The following HTR1F variants were observed in gnomAD, a reference collection of about 807,000 sequenced individuals.
HTR1F encodes 5-hydroxytryptamine (serotonin) receptor 1F, G protein-coupled.
A neutral mutation model predicts 24.0 loss-of-function variants in HTR1F; 17 were observed. That is an observed-to-expected ratio of 0.71 (90% CI 0.48 to 1.06). HTR1F has a LOEUF of 1.06. HTR1F is among the 50% of genes least tolerant of loss of function. HTR1F has a pLI of 0.00. For synonymous variants in HTR1F, 186 were observed against 156.8 expected (o/e 1.19, Z -1.39); for missense variants, 391 against 427.8 (o/e 0.91, Z 0.76).
intron 2 of HTR1F, among the ~76,000 whole-genome samples, chr3:87,922,190 T>C (rs1468075845): frequency 6.6e-6 from 1 of 151,914 alleles, no homozygotes; most frequent in Non-Finnish European, 1.5e-5. Context: ...TTAGAATCTG[T>C]TATTTTTGTT....
At chr3:87,845,852 A>G (rs1315328318) in intron 2 of HTR1F, among the ~76,000 whole-genome samples, 2 of 151,980 alleles carry the variant, frequency 1.3e-5, no homozygotes, top group East Asian at 3.9e-4. Flanking sequence ...TGGAATATAT[A>G]TTTTCCTCTG....
chr3:87,964,187 C>G (rs956224912), intron 2 of HTR1F, among the ~76,000 whole-genome samples: 1 of 152,116 alleles, frequency 6.6e-6, no homozygotes, highest in Non-Finnish European at 1.5e-5. Flanking sequence ...AACTATAAAA[C>G]TGCTATATAA....
chr3:87,844,835 T>A (rs1412507454), intron 2 of HTR1F, among the ~76,000 whole-genome samples: 1 of 150,374 alleles, frequency 6.7e-6, no homozygotes, highest in African/African-American at 2.5e-5. Context: ...GATCAGATAG[T>A]TGTAGATATG....
intron 2 of HTR1F, among the ~76,000 whole-genome samples, chr3:87,871,660 C>A (rs2932281): frequency 0.46 from 69,098 of 151,760 alleles, 19,805 homozygotes; most frequent in African/African-American, 0.82. Flanking sequence ...CTTGAAAGCC[C>A]CAAGAAGAAA....
chr3:87,965,445 A>G (rs1387974842), intron 2 of HTR1F, among the ~76,000 whole-genome samples: 2 of 152,222 alleles, frequency 1.3e-5, no homozygotes, highest in Non-Finnish European at 2.9e-5. Flanking sequence ...GGATATAAGT[A>G]TTGTCAAATT....
chr3:87,935,025 C>A (rs1257036278), intron 2 of HTR1F, among the ~76,000 whole-genome samples: 1 of 152,070 alleles, frequency 6.6e-6, no homozygotes, highest in Non-Finnish European at 1.5e-5. Flanking sequence ...TCCACCAGAC[C>A]CAACTAATTT....
At chr3:87,930,830 T>C (rs1337243915) in intron 2 of HTR1F, among the ~76,000 whole-genome samples, 1 of 152,154 alleles carries the variant, frequency 6.6e-6, no homozygotes, top group Non-Finnish European at 1.5e-5. Context: ...TTTACATACA[T>C]ACCTATACAT....
At chr3:87,989,073 T>C (rs1030377739) in intron 2 of HTR1F, among the ~76,000 whole-genome samples, 24 of 152,298 alleles carry the variant, frequency 1.6e-4, no homozygotes, top group African/African-American at 4.6e-4. Flanking sequence ...CAGGTCTCCA[T>C]ATTGTCCTTT....
chr3:87,920,543 A>G (rs1454159880), intron 2 of HTR1F, among the ~76,000 whole-genome samples: 2 of 152,064 alleles, frequency 1.3e-5, no homozygotes, highest in Non-Finnish European at 2.9e-5. Flanking sequence ...ATAAATCATG[A>G]CACGTAAAAC....
chr3:87,934,107 A>G (rs1181877153), intron 2 of HTR1F, among the ~76,000 whole-genome samples: 1 of 152,198 alleles, frequency 6.6e-6, no homozygotes, highest in Non-Finnish European at 1.5e-5. Context: ...CTAATTTGCA[A>G]GCTATTCATC....
chr3:87,942,532 C>T (rs1704595123), intron 2 of HTR1F, among the ~76,000 whole-genome samples: 1 of 152,110 alleles, frequency 6.6e-6, no homozygotes, highest in Non-Finnish European at 1.5e-5. Flanking sequence ...ACTTTTGTCC[C>T]CTGGGGCAGT....
chr3:87,876,409 T>C (rs1218425279), intron 2 of HTR1F, among the ~76,000 whole-genome samples: 1 of 152,176 alleles, frequency 6.6e-6, no homozygotes, highest in Non-Finnish European at 1.5e-5. Flanking sequence ...ATGTGGTATA[T>C]TCATACAAGG....
At chr3:87,826,043 C>A (rs1704455448) in intron 2 of HTR1F, among the ~76,000 whole-genome samples, 1 of 152,182 alleles carries the variant, frequency 6.6e-6, no homozygotes, top group Non-Finnish European at 1.5e-5. Flanking sequence ...AAAATATTTG[C>A]TGTAATGTAT....
chr3:87,870,849 C>T (rs1705538300), intron 2 of HTR1F, among the ~76,000 whole-genome samples: 1 of 151,928 alleles, frequency 6.6e-6, no homozygotes, highest in South Asian at 2.1e-4. Context: ...TGCACAATTC[C>T]AGAGAAAATG....
chr3:87,941,669 G>A (rs1453964612), intron 2 of HTR1F, among the ~76,000 whole-genome samples: 1 of 152,138 alleles, frequency 6.6e-6, no homozygotes, highest in African/African-American at 2.4e-5. Context: ...CGTTGGGTTT[G>A]AAGGATCTTC....
intron 2 of HTR1F, among the ~76,000 whole-genome samples, chr3:87,913,485 G>T (rs935500935): frequency 6.6e-6 from 1 of 152,034 alleles, no homozygotes; most frequent in Non-Finnish European, 1.5e-5. Flanking sequence ...TACACTGGGA[G>T]TGTAAATTAG....
chr3:87,819,738 A>C (rs1202528480), intron 1 of HTR1F, among the ~76,000 whole-genome samples: 2 of 152,096 alleles, frequency 1.3e-5, no homozygotes, highest in Non-Finnish European at 2.9e-5. Flanking sequence ...AAGTTTTAAA[A>C]TGCATATAAG....
chr3:87,986,310 T>C (rs1254009816), intron 2 of HTR1F, among the ~76,000 whole-genome samples: 1 of 152,192 alleles, frequency 6.6e-6, no homozygotes, highest in Non-Finnish European at 1.5e-5. Flanking sequence ...CCCAACGCCA[T>C]TGGTTGCCTT....
chr3:87,832,997 G>A (rs1704614987), intron 2 of HTR1F, among the ~76,000 whole-genome samples: 1 of 149,238 alleles, frequency 6.7e-6, no homozygotes, highest in African/African-American at 2.6e-5. Flanking sequence ...TTACTCAAAG[G>A]TTCTTTAAGG....
Sources: gnomAD v4.1 joint callset for allele counts (sites outside exome capture counted in the v4.1 genomes callset) on GRCh38, gnomAD v4.1.1 for gene constraint, MANE v1.5 for transcripts, NCBI Gene and HGNC (gene_info 2026-07-23, HGNC 2026-07-21) for gene names.